The following PCDHA1 variants were observed in gnomAD, a reference collection of about 807,000 sequenced individuals.
PCDHA1 encodes the protein protocadherin alpha 1.
Under a neutral mutation model 61.3 loss-of-function variants are expected in PCDHA1, and 42 were observed. The ratio of observed to expected loss-of-function variants is 0.69; its 90% CI spans 0.54 to 0.89. PCDHA1 has a LOEUF of 0.89. Ranked by LOEUF, PCDHA1 falls within the 40% of genes least tolerant of loss-of-function variation. The pLI is 0.00. For missense variants in PCDHA1, 1,256 were observed against 1,235.3 expected, an observed-to-expected ratio of 1.02 and a Z score of -0.25; for synonymous variants, 610 against 553.8, an observed-to-expected ratio of 1.10 and a Z score of -1.43.
At chr5:140,861,557 G>A in intron 1 of PCDHA1, 1 of 398,292 alleles carries the variant, frequency 2.5e-6, no homozygotes, top group Non-Finnish European at 5.2e-6. Context: ...AAGTGATCGT[G>A]GACAAGCTGC....
At chr5:140,897,240 A>T (rs1475170855) in intron 1 of PCDHA1, among the ~76,000 whole-genome samples, 5 of 151,908 alleles carry the variant, frequency 3.3e-5, no homozygotes, top group Non-Finnish European at 5.9e-5. Flanking sequence ...TGTGCAGGTT[A>T]GTTACATATG....
intron 1 of PCDHA1, chr5:140,823,642 G>A (rs138093911): frequency 5.6e-6 from 9 of 1,613,918 alleles, no homozygotes; most frequent in African/African-American, 1.3e-5. Context: ...CCCGTTCCGC[G>A]TGGGGCTGTA....
intron 1 of PCDHA1, chr5:140,841,607 T>G (rs1554138334): frequency 4.3e-6 from 7 of 1,614,090 alleles, no homozygotes; most frequent in Non-Finnish European, 5.9e-6. Flanking sequence ...CGAGGAGCTG[T>G]GCGGGCGGAG....
chr5:140,966,731 G>T, intron 1 of PCDHA1: 8 of 1,405,136 alleles, frequency 5.7e-6, no homozygotes, highest in Non-Finnish European at 7.4e-6. Context: ...TGCCGCCTCC[G>T]GCCCTGCCCG....
Position 141,009,661 on chromosome 5 carries a change from T to G in PCDHA1, c.2577T>G (p.Gly859=), listed in dbSNP as rs1554262260. ...PEAGEVSPPV[G]AGVNSNSWTF... ...CAGGAGAAGTGTCCCCTCCAGTCGG[T>G]GCGGGTGTCAACAGCAACAGCTGGA... The change falls in exon 4 of 4, where the codon GGT becomes GGG. Residue 859 remains glycine (G), a synonymous_variant. Coordinates refer to ENST00000504120, the MANE Select transcript of PCDHA1 (RefSeq NM_018900.4). 1 of 1,614,030 alleles carries G rather than the reference T, an allele frequency of 6.2e-7. No homozygotes were observed.
chr5:140,951,583 C>T (rs939168963), intron 1 of PCDHA1, among the ~76,000 whole-genome samples: 3 of 152,034 alleles, frequency 2.0e-5, no homozygotes, highest in Non-Finnish European at 4.4e-5. Flanking sequence ...CCAGATTTCA[C>T]GAGATCTCTC....
chr5:140,841,305 G>A (rs2150313122), intron 1 of PCDHA1: 2 of 1,543,548 alleles, frequency 1.3e-6, no homozygotes, highest in Non-Finnish European at 1.8e-6. Context: ...TTTTCTGATA[G>A]GAAACGACTA....
chr5:140,869,250 G>C (rs371660992), intron 1 of PCDHA1: 4 of 1,613,636 alleles, frequency 2.5e-6, no homozygotes, highest in East Asian at 2.2e-5. Flanking sequence ...GCCGCATCGC[G>C]CAGGACCTGG....
At chr5:140,913,440 T>A (rs2076337142) in intron 1 of PCDHA1, among the ~76,000 whole-genome samples, 1 of 152,224 alleles carries the variant, frequency 6.6e-6, no homozygotes, top group Non-Finnish European at 1.5e-5. Context: ...GCCTCCTTTT[T>A]CAGCTCCGAT....
intron 1 of PCDHA1, among the ~76,000 whole-genome samples, chr5:140,893,408 T>C (rs1562871197): frequency 6.6e-6 from 1 of 152,076 alleles, no homozygotes; most frequent in Non-Finnish European, 1.5e-5. Flanking sequence ...ATCCCAGCAC[T>C]TAGGGAGGCA....
Position 140,871,165 on chromosome 5 carries a change from C to A in PCDHA1, c.2394+82481C>A, listed in dbSNP as rs1044550712. 1.4e-5 allele frequency: 22 copies of A among 1,613,372 alleles called. No individual in the cohort carries two copies. Among genetic ancestry groups the A allele is most frequent in the Non-Finnish European group, 1.7e-5 (20 of 1,179,938 alleles). On this transcript the variant is annotated intron_variant, in intron 1 of 3. Transcript: ENST00000504120. ...CCGGACTTTGGCGGGCGCCGCGAGCCCAGAGGCTGCGCTGGTGGATGTCAA... is the reference window on the plus strand; with the variant it reads ...CCGGACTTTGGCGGGCGCCGCGAGCACAGAGGCTGCGCTGGTGGATGTCAA...
At chr5:140,809,122 C>T (rs1764370470) in intron 1 of PCDHA1, 7 of 1,613,994 alleles carry the variant, frequency 4.3e-6, no homozygotes, top group Non-Finnish European at 5.9e-6. Flanking sequence ...CTCCGCGCCA[C>T]CGCCTACTGG....
At chr5:140,917,815 G>T (rs554230002) in intron 1 of PCDHA1, among the ~76,000 whole-genome samples, 1 of 152,018 alleles carries the variant, frequency 6.6e-6, no homozygotes, top group South Asian at 2.1e-4. Context: ...TATAGTTGAA[G>T]TTGGGTAGTG....
intron 1 of PCDHA1, among the ~76,000 whole-genome samples, chr5:140,893,358 C>A (rs1385049897): frequency 2.0e-5 from 3 of 152,134 alleles, no homozygotes; most frequent in Admixed American, 6.5e-5. Context: ...AATTTACATG[C>A]CCACCAACAG....
chr5:140,985,887 C>A (rs765609645), intron 3 of PCDHA1, among the ~76,000 whole-genome samples: 2 of 151,840 alleles, frequency 1.3e-5, no homozygotes, highest in Non-Finnish European at 2.9e-5. Context: ...CTACAGGCGC[C>A]CGCCACCACT....
At chr5:140,916,527 C>T (rs2077599616) in intron 1 of PCDHA1, among the ~76,000 whole-genome samples, 1 of 152,162 alleles carries the variant, frequency 6.6e-6, no homozygotes, top group Non-Finnish European at 1.5e-5. Context: ...CTGGGTCCTT[C>T]CCACCAAGGC....
chr5:140,796,264 T>G (rs782137049), intron 1 of PCDHA1: 1 of 1,614,108 alleles, frequency 6.2e-7, no homozygotes, highest in Non-Finnish European at 8.5e-7. Context: ...GGGCTCGCCT[T>G]CACTGTGGGC....
At chr5:140,966,831 G>A in intron 1 of PCDHA1, 1 of 1,563,110 alleles carries the variant, frequency 6.4e-7, no homozygotes, top group Non-Finnish European at 8.6e-7. Flanking sequence ...CCCATGCCCT[G>A]GCTGCTGCTA....
chr5:140,872,332 T>G (rs2053600467), intron 1 of PCDHA1, among the ~76,000 whole-genome samples: 1 of 152,172 alleles, frequency 6.6e-6, no homozygotes, highest in African/African-American at 2.4e-5. Context: ...ATGACTAAAA[T>G]TCTACATGTT....
Sources: allele counts gnomAD v4.1 joint callset (sites outside exome capture counted in the v4.1 genomes callset), GRCh38; gene constraint gnomAD v4.1.1; transcripts MANE v1.5; gene names NCBI Gene and HGNC (gene_info 2026-07-23, HGNC 2026-07-21).